Variants in CSNK1E observed in about 807,000 individuals in gnomAD.
CSNK1E encodes casein kinase I isoform epsilon.
A neutral mutation model predicts 46.1 loss-of-function variants in CSNK1E; 17 were observed. That is an observed-to-expected ratio of 0.37 (90% CI 0.25 to 0.55). CSNK1E has a LOEUF of 0.55. Ranked by LOEUF, CSNK1E falls within the 20% of genes least tolerant of loss-of-function variation. The probability of loss-of-function intolerance (pLI) is 0.82; values close to 1 mark genes in which losing one functional copy is unlikely to be tolerated. For missense variants in CSNK1E, 386 were observed against 595.4 expected (o/e 0.65, Z 3.66); for synonymous variants, 241 against 242.6 (o/e 0.99, Z 0.06).
Position 38,294,625 on chromosome 22 carries a change from GC to G in CSNK1E, c.886-92del. The G allele has an allele frequency of 1.6e-6, 2 of 1,257,262 alleles. No homozygotes were observed. The highest frequency in any genetic ancestry group is 1.1e-6 in the Non-Finnish European group (1 of 922,486). The allele number at this position is 1,257,262 out of a possible 1,614,324, so 77.9% of individuals were successfully genotyped here. On this transcript the variant is annotated intron_variant, in intron 7 of 10. Transcript: ENST00000396832. This position sits in a 1 kb window ranked among gnomAD's most constrained non-coding sequence, Gnocchi z 5.5. Reference sequence around the variant, plus strand: ...CTGCAGGGCACAGAAGGGGAGGGAGGCCAGGTGGATATCTCAGAAACCTTCT... The same window carrying G: ...CTGCAGGGCACAGAAGGGGAGGGAGGCAGGTGGATATCTCAGAAACCTTCT...
At chr22:38,302,574 G>A (rs2092678437) in intron 4 of CSNK1E, among the ~76,000 whole-genome samples, 1 of 152,208 alleles carries the variant, frequency 6.6e-6, no homozygotes, top group African/African-American at 2.4e-5. Context: ...AGCCCAGCGT[G>A]GTGGCAGGTG....
Position 38,298,851 on chromosome 22 carries a change from G to T in CSNK1E, c.820C>A (p.Arg274Ser), listed in dbSNP as rs2092655743. Reference sequence around the variant, plus strand: ...AAGCCCTGCCGGTGGAAGAGGTTGCGGAAGAGCTGACGTAGGTAAGAGTAG... The same window carrying T: ...AAGCCCTGCCGGTGGAAGAGGTTGCTGAAGAGCTGACGTAGGTAAGAGTAG... ...PDYSYLRQLF[R>S]NLFHRQGFSY... Residue 274 changes from arginine (R) to serine (S), a missense_variant, in exon 7 of 11, where the codon CGC (arginine) becomes AGC (serine). Arg to Ser is a moderately radical substitution (Grantham distance 110). Transcript: ENST00000396832. The surrounding 1 kb of genome is among the most constrained non-coding windows in gnomAD (Gnocchi z 4.2). 1 of 1,614,048 alleles carries T rather than the reference G, an allele frequency of 6.2e-7. No individual in the cohort carries two copies. The highest frequency in any genetic ancestry group is 1.1e-5 in the South Asian group (1 of 91,082).
At chr22:38,292,031 G>C (rs1283365049) in intron 10 of CSNK1E, 93 bp from the exon 11 acceptor site, 1 of 150,236 alleles carries the variant, frequency 6.7e-6, no homozygotes, top group Non-Finnish European at 1.5e-5. Flanking sequence ...CTGTCCCCCA[G>C]GCTGGAGTGC....
chr22:38,306,085 C>CTGCACACAAGTGGAAA (rs1169755317), intron 2 of CSNK1E, among the ~76,000 whole-genome samples: 2 of 152,214 alleles, frequency 1.3e-5, no homozygotes, highest in Admixed American at 1.3e-4. Flanking sequence ...GAAGCTCTCT[C>CTGCACACAAGTGGAAA]TGCACACAAG....
At position 38,298,156 on chromosome 22, in the gene CSNK1E, C is replaced by A. The variant is rs763958585; in HGVS notation, c.885+630G>T. On this transcript the variant is annotated intron_variant, in intron 7 of 10. Coordinates refer to ENST00000396832, the MANE Select transcript of CSNK1E (RefSeq NM_152221.3). The surrounding 1 kb of genome is among the most constrained non-coding windows in gnomAD (Gnocchi z 4.2). ...AGGGGCGGGGACAGAAAGGTCCCTT[C>A]GCTGTCATGGGGCTGTCACGGGGCT... 1 of 1,300,916 alleles carries A rather than the reference C, an allele frequency of 7.7e-7. No individual in the cohort carries two copies. The highest frequency in any genetic ancestry group is 1.2e-5 in the South Asian group (1 of 80,556). 80.6% of individuals were successfully genotyped at this position (1,300,916 alleles called of 1,614,324 possible).
chr22:38,297,568 C>T, intron 7 of CSNK1E: 4 of 1,002,668 alleles, frequency 4.0e-6, no homozygotes, highest in Non-Finnish European at 4.8e-6. Context: ...AGCAGGGTGG[C>T]TGAGGGCCCT....
chr22:38,313,476 G>A (rs1438343710), intron 2 of CSNK1E, among the ~76,000 whole-genome samples: 1 of 152,238 alleles, frequency 6.6e-6, no homozygotes, highest in Non-Finnish European at 1.5e-5. Flanking sequence ...GCCAAGGGGA[G>A]GACTGAGAGG....
intron 2 of CSNK1E, among the ~76,000 whole-genome samples, chr22:38,310,814 G>A (rs1156957256): frequency 1.3e-5 from 2 of 152,234 alleles, no homozygotes; most frequent in East Asian, 1.9e-4. Context: ...AGGGCTTGGA[G>A]GACGCATCCA....
chr22:38,313,973 T>C, intron 2 of CSNK1E, 109 bp downstream of exon 2: 1 of 1,032,192 alleles, frequency 9.7e-7, no homozygotes, highest in Admixed American at 1.8e-5. Context: ...GGGCAAATCA[T>C]GCCCCTGGAG....
chr22:38,311,214 A>C (rs983159825), intron 2 of CSNK1E, among the ~76,000 whole-genome samples: 1 of 151,926 alleles, frequency 6.6e-6, no homozygotes, highest in Non-Finnish European at 1.5e-5. Flanking sequence ...ACTTTGCACG[A>C]CCCCATTTTG....
chr22:38,318,043 C>CA (rs1415827223), upstream of CSNK1E: 1 of 152,220 alleles, frequency 6.6e-6, no homozygotes, highest in African/African-American at 2.4e-5. Flanking sequence ...CCCTGAAGCT[C>CA]AAACTGTGAT....
intron 2 of CSNK1E, among the ~76,000 whole-genome samples, chr22:38,311,555 T>G (rs924975134): frequency 1.3e-5 from 2 of 152,212 alleles, no homozygotes; most frequent in Non-Finnish European, 2.9e-5. Context: ...TGCCAAGAGC[T>G]GTCTCCATGC....
rs1375565960 is a variant in CSNK1E, at chr22:38,300,690, C to CG, written c.565+33dup. On this transcript the variant is annotated intron_variant, in intron 5 of 10. Transcript: ENST00000396832. The surrounding 1 kb of genome is among the most constrained non-coding windows in gnomAD (Gnocchi z 4.4). The stretch of plus-strand genomic sequence containing the variant: ...AGAGCTGGGCCCCAGCCAGTGGCCC[C>CG]GGGTGCACACTGCTCCAGGCCTGGC... 2 of 1,599,436 alleles carry CG rather than the reference C, an allele frequency of 1.3e-6. No homozygotes were observed. Among genetic ancestry groups the CG allele is most frequent in the African/African-American group, 2.7e-5 (2 of 74,610 alleles).
At chr22:38,293,791 G>A in intron 9 of CSNK1E, 1 of 440,120 alleles carries the variant, frequency 2.3e-6, no homozygotes, top group Non-Finnish European at 4.1e-6. Context: ...GCTCCCTGAT[G>A]TCAGGGAGCA....
intron 1 of CSNK1E, among the ~76,000 whole-genome samples, chr22:38,314,926 G>C (rs1227298666): frequency 2.0e-5 from 3 of 152,212 alleles, no homozygotes; most frequent in South Asian, 4.1e-4. Context: ...TGGGGCAAAA[G>C]TCCGGACACC....
chr22:38,306,462 G>T (rs1039645139), intron 2 of CSNK1E, among the ~76,000 whole-genome samples: 2 of 152,232 alleles, frequency 1.3e-5, no homozygotes, highest in Non-Finnish European at 2.9e-5. Flanking sequence ...GCCGGGCGCG[G>T]TGGCTCACGC....
At chr22:38,305,243 A>T (rs2092693042) in intron 2 of CSNK1E, among the ~76,000 whole-genome samples, 1 of 152,064 alleles carries the variant, frequency 6.6e-6, no homozygotes, top group African/African-American at 2.4e-5. Flanking sequence ...AAAAAGATTA[A>T]ATGTCAGACG....
At position 38,298,135 on chromosome 22, in the gene CSNK1E, G is replaced by A. The variant is rs1372630457; in HGVS notation, c.885+651C>T. 2 of 1,294,260 alleles carry A rather than the reference G, an allele frequency of 1.5e-6. No individual in the cohort carries two copies. Among genetic ancestry groups the A allele is most frequent in the East Asian group, 5.6e-5 (1 of 17,934 alleles). 80.2% of individuals were successfully genotyped at this position (1,294,260 alleles called of 1,614,324 possible). A position where few individuals can be genotyped will look rare whatever the true frequency, so the allele number is the denominator to read the frequency against. On this transcript the variant is annotated intron_variant, in intron 7 of 10. Coordinates refer to ENST00000396832, the MANE Select transcript of CSNK1E (RefSeq NM_152221.3). This position sits in a 1 kb window ranked among gnomAD's most constrained non-coding sequence, Gnocchi z 4.2. ...ACGTGGGCCCAGCACAGGGACAGGG[G>A]CGGGGACAGAAAGGTCCCTTCGCTG...
intron 9 of CSNK1E, among the ~76,000 whole-genome samples, chr22:38,293,580 T>C (rs2092623303): frequency 6.6e-6 from 1 of 151,412 alleles, no homozygotes; most frequent in Non-Finnish European, 1.5e-5. Context: ...CCAATGAGGG[T>C]TCTCTCGCAG....
Sources: gnomAD v4.1 joint callset for allele counts (sites outside exome capture counted in the v4.1 genomes callset) on GRCh38, gnomAD v4.1.1 for gene constraint, Gnocchi (gnomAD v3.1) non-coding constraint, MANE v1.5 for transcripts, NCBI Gene and HGNC (gene_info 2026-07-23, HGNC 2026-07-21) for gene names.